The following SAMMSON variants were observed in gnomAD, a reference collection of about 807,000 sequenced individuals.
The protein encoded by SAMMSON is survival associated mitochondrial melanoma specific oncogenic non-coding RNA.
At chr3:70,259,587 T>C (rs866896197) in intron 6 of SAMMSON, among the ~76,000 whole-genome samples, 1 of 152,126 alleles carries the variant, frequency 6.6e-6, no homozygotes, top group Non-Finnish European at 1.5e-5. Context: ...TTTAATTTAC[T>C]CCTCCAAATT....
At chr3:70,327,691 A>G (rs892277059) in intron 7 of SAMMSON, among the ~76,000 whole-genome samples, 1 of 152,164 alleles carries the variant, frequency 6.6e-6, no homozygotes, top group African/African-American at 2.4e-5. Flanking sequence ...CACCAGGCAG[A>G]ATAAAAAGAC....
chr3:70,221,934 G>A (rs1374488828), intron 4 of SAMMSON, among the ~76,000 whole-genome samples: 1 of 152,160 alleles, frequency 6.6e-6, no homozygotes, highest in Admixed American at 6.5e-5. Flanking sequence ...CATCCTATCA[G>A]TTGGGTAGAT....
intron 4 of SAMMSON, among the ~76,000 whole-genome samples, chr3:70,165,631 AGTT>A (rs909247548): frequency 1.1e-4 from 17 of 152,058 alleles, no homozygotes; most frequent in African/African-American, 4.1e-4. Context: ...ACATAGAGGA[AGTT>A]GTTGTCCAGA....
intron 2 of SAMMSON, among the ~76,000 whole-genome samples, chr3:70,411,878 T>A (rs774189092): frequency 6.6e-6 from 1 of 152,192 alleles, no homozygotes; most frequent in Admixed American, 6.5e-5. Context: ...CATAGGAGTA[T>A]GAAAATGGGC....
intron 7 of SAMMSON, among the ~76,000 whole-genome samples, chr3:70,292,943 A>T (rs1039704754): frequency 6.6e-6 from 1 of 151,816 alleles, no homozygotes; most frequent in Non-Finnish European, 1.5e-5. Context: ...AAAAACATAC[A>T]TACAATTAAT....
At chr3:70,261,697 A>G (rs1488258279) in intron 6 of SAMMSON, among the ~76,000 whole-genome samples, 1 of 152,200 alleles carries the variant, frequency 6.6e-6, no homozygotes, top group African/African-American at 2.4e-5. Flanking sequence ...ATGCCAAGTT[A>G]TCTTGCAGAT....
chr3:70,391,597 T>C (rs181400808), downstream of SAMMSON, among the ~76,000 whole-genome samples: 6 of 152,282 alleles, frequency 3.9e-5, no homozygotes. Context: ...CAATGTTTGA[T>C]TGTCAGTAGT....
chr3:70,248,097 G>C (rs1353744115), intron 4 of SAMMSON, among the ~76,000 whole-genome samples: 1 of 152,018 alleles, frequency 6.6e-6, no homozygotes, highest in Non-Finnish European at 1.5e-5. Flanking sequence ...ATTAAATTCA[G>C]ACACTGTGCT....
chr3:70,380,798 G>GT (rs1159746278), intron 9 of SAMMSON, among the ~76,000 whole-genome samples: 1 of 151,958 alleles, frequency 6.6e-6, no homozygotes, highest in Non-Finnish European at 1.5e-5. Flanking sequence ...GCGGTGTTTG[G>GT]TTTTTTGTCC....
chr3:70,162,851 T>C (rs913271766), intron 4 of SAMMSON, among the ~76,000 whole-genome samples: 4 of 151,920 alleles, frequency 2.6e-5, no homozygotes, highest in African/African-American at 9.7e-5. Context: ...CTGTTATATA[T>C]TTTCCTGTTG....
intron 1 of SAMMSON, among the ~76,000 whole-genome samples, chr3:70,007,966 C>A (rs1241313343): frequency 6.6e-6 from 1 of 151,936 alleles, no homozygotes; most frequent in African/African-American, 2.4e-5. Context: ...AGATACGCGG[C>A]ATTATTTCTA....
At chr3:70,353,487 C>T (rs892449668) in intron 7 of SAMMSON, among the ~76,000 whole-genome samples, 9 of 152,012 alleles carry the variant, frequency 5.9e-5, no homozygotes, top group Non-Finnish European at 1.3e-4. Flanking sequence ...ATGCATTATT[C>T]ATTAGTGAAA....
chr3:70,429,048 C>A (rs2106778820), intron 2 of SAMMSON, among the ~76,000 whole-genome samples: 1 of 152,160 alleles, frequency 6.6e-6, no homozygotes, highest in South Asian at 2.1e-4. Context: ...TGCCTATGGC[C>A]TGAATGGTAT....
At chr3:70,395,348 T>TTTTTG (rs545231969) in intron 2 of SAMMSON, among the ~76,000 whole-genome samples, 5 of 149,852 alleles carry the variant, frequency 3.3e-5, no homozygotes, top group South Asian at 2.1e-4. Context: ...TTTTTTTTTT[T>TTTTTG]TGTGTTGTTG....
At chr3:70,284,037 T>G (rs1702116175) in intron 6 of SAMMSON, among the ~76,000 whole-genome samples, 1 of 152,148 alleles carries the variant, frequency 6.6e-6, no homozygotes, top group Non-Finnish European at 1.5e-5. Flanking sequence ...GTATTGGCTA[T>G]TGGTTTTTTA....
chr3:70,060,565 T>A (rs1485360308), intron 3 of SAMMSON, among the ~76,000 whole-genome samples: 1 of 152,102 alleles, frequency 6.6e-6, no homozygotes, highest in Non-Finnish European at 1.5e-5. Context: ...TCAAATTAAT[T>A]TGAAGGTTAT....
chr3:70,081,788 A>T (rs531305500), intron 4 of SAMMSON, among the ~76,000 whole-genome samples: 8 of 152,318 alleles, frequency 5.3e-5, no homozygotes, highest in Non-Finnish European at 1.0e-4. Flanking sequence ...AACAATCAAT[A>T]GATATTCACA....
chr3:70,022,158 T>C (rs958980838), intron 3 of SAMMSON, among the ~76,000 whole-genome samples: 1 of 151,890 alleles, frequency 6.6e-6, no homozygotes, highest in African/African-American at 2.4e-5. Context: ...GGCTAGAATA[T>C]ACAGGGATTT....
At chr3:70,055,838 T>G (rs2067164983) in intron 3 of SAMMSON, among the ~76,000 whole-genome samples, 1 of 152,082 alleles carries the variant, frequency 6.6e-6, no homozygotes, top group Non-Finnish European at 1.5e-5. Context: ...CTTTGGACTT[T>G]GAGCTCTTTG....
Sources: allele counts gnomAD v4.1 joint callset (sites outside exome capture counted in the v4.1 genomes callset), GRCh38; gene constraint gnomAD v4.1.1; transcripts MANE v1.5; gene names NCBI Gene and HGNC (gene_info 2026-07-23, HGNC 2026-07-21).